The following DNAH6 variants were observed in gnomAD, a reference collection of about 807,000 sequenced individuals.
DNAH6 encodes the protein dynein axonemal heavy chain 6.
Under a neutral mutation model 491.4 loss-of-function variants are expected in DNAH6, and 340 were observed. The observed-to-expected ratio is 0.69, with a 90% CI of 0.63 to 0.76. The LOEUF is 0.76. DNAH6 is among the 30% of genes least tolerant of loss of function. The pLI, the probability that DNAH6 is intolerant of heterozygous loss-of-function variation, is 0.00. For missense variants in DNAH6, 4,443 were observed against 4,972.2 expected, an observed-to-expected ratio of 0.89 and a Z score of 3.20; for synonymous variants, 1,603 against 1,686.1, an observed-to-expected ratio of 0.95 and a Z score of 1.21.
intron 71 of DNAH6, among the ~76,000 whole-genome samples, chr2:84,806,039 G>C (rs1679383723): frequency 6.6e-6 from 1 of 152,138 alleles, no homozygotes; most frequent in South Asian, 2.1e-4. Context: ...ACTCTTTCCT[G>C]AGCTTCCCTT....
intron 21 of DNAH6, 126 bp from the exon 22 acceptor site, chr2:84,611,548 G>C (rs1300778438): frequency 2.7e-6 from 2 of 754,164 alleles, no homozygotes; most frequent in East Asian, 5.4e-5. Context: ...CAAAGGACCT[G>C]TGAGGAGTCA....
At chr2:84,708,335 C>A (rs1485958871) in intron 54 of DNAH6, among the ~76,000 whole-genome samples, 1 of 151,670 alleles carries the variant, frequency 6.6e-6, no homozygotes, top group Non-Finnish European at 1.5e-5. Flanking sequence ...ATCCTAGCTA[C>A]TGGGGAGGCC....
At chr2:84,761,697 A>C (rs796932364) in intron 63 of DNAH6, among the ~76,000 whole-genome samples, 10 of 152,112 alleles carry the variant, frequency 6.6e-5, no homozygotes, top group African/African-American at 2.4e-4. Context: ...TCTTTTCCCA[A>C]GTTGGCCACA....
chr2:84,801,889 A>AG (rs1215975701), intron 70 of DNAH6, among the ~76,000 whole-genome samples: 1 of 151,820 alleles, frequency 6.6e-6, no homozygotes, highest in Non-Finnish European at 1.5e-5. Context: ...GAAAAAAAAA[A>AG]AAAGAAAAGA....
chr2:84,723,772 A>G (rs996877132), intron 60 of DNAH6, among the ~76,000 whole-genome samples: 6 of 152,104 alleles, frequency 3.9e-5, no homozygotes, highest in African/African-American at 1.4e-4. Context: ...TCTTTATCTC[A>G]TATTCACAGT....
At chr2:84,468,424 T>A in the DNAH6 span, among the ~76,000 whole-genome samples, 2 of 152,244 alleles carry the variant, frequency 1.3e-5, no homozygotes, top group African/African-American at 4.8e-5. Flanking sequence ...GAGTCCAGGC[T>A]GTTAGAGCTT....
At chr2:84,492,249 C>CTAAAA in the DNAH6 span, among the ~76,000 whole-genome samples, 44 of 152,278 alleles carry the variant, frequency 2.9e-4, no homozygotes, top group African/African-American at 1.1e-3. Flanking sequence ...GTAGGCTACC[C>CTAAAA]ACCTTCAAAT....
At chr2:84,706,764 A>T in intron 52 of DNAH6, 132 bp from the exon 53 acceptor site, 1 of 989,182 alleles carries the variant, frequency 1.0e-6, no homozygotes, top group Non-Finnish European at 1.4e-6. Context: ...TTTTAACTTT[A>T]TGTATCACAT....
intron 42 of DNAH6, among the ~76,000 whole-genome samples, chr2:84,684,553 T>C (rs1694098071): frequency 6.6e-6 from 1 of 152,114 alleles, no homozygotes; most frequent in Non-Finnish European, 1.5e-5. Context: ...CAAACACCAA[T>C]GTGAGATGCA....
the DNAH6 span, among the ~76,000 whole-genome samples, chr2:84,508,725 C>T: frequency 6.6e-6 from 1 of 152,284 alleles, no homozygotes; most frequent in Admixed American, 6.5e-5. Context: ...TTTCCCTCTA[C>T]ACACTGCTTT....
chr2:84,577,135 GATA>G (rs1256341818), intron 12 of DNAH6, 119 bp from the exon 13 acceptor site: 2 of 542,982 alleles, frequency 3.7e-6, no homozygotes, highest in Middle Eastern at 4.9e-4. Context: ...TCTAAGTACA[GATA>G]ATAACATTAT....
intron 47 of DNAH6, among the ~76,000 whole-genome samples, chr2:84,698,141 AAC>A (rs1192384984): frequency 2.0e-5 from 3 of 152,162 alleles, no homozygotes; most frequent in Admixed American, 2.0e-4. Context: ...CTCTCTCGGG[AAC>A]AGTGTGGCTG....
intron 70 of DNAH6, among the ~76,000 whole-genome samples, chr2:84,802,108 A>G (rs1323204921): frequency 6.6e-6 from 1 of 152,194 alleles, no homozygotes; most frequent in Non-Finnish European, 1.5e-5. Context: ...ACAAAATCAC[A>G]CATAAGTACA....
rs2105318149 is a variant in DNAH6 at position 84,805,881 on chromosome 2, G to T, written c.11611+87G>T. 4 of 1,239,150 alleles carry T rather than the reference G, an allele frequency of 3.2e-6. No homozygotes were observed. The South Asian group carries it at 7.6e-5, about 24-fold the overall frequency. 76.8% of individuals were successfully genotyped at this position (1,239,150 alleles called of 1,614,324 possible). On this transcript the variant is annotated intron_variant, in intron 71 of 76. Coordinates refer to ENST00000389394, the MANE Select transcript of DNAH6 (RefSeq NM_001370.2). ...GAGTGATAAACAGGTGTCAAAACCTGCTTATTATGTAGACTTTTTTTAACC... is the reference window on the plus strand; with the variant it reads ...GAGTGATAAACAGGTGTCAAAACCTTCTTATTATGTAGACTTTTTTTAACC...
chr2:84,591,622 A>G (rs1335391237), intron 16 of DNAH6, among the ~76,000 whole-genome samples: 5 of 152,236 alleles, frequency 3.3e-5, no homozygotes, highest in African/African-American at 1.2e-4. Flanking sequence ...TAAAATTTAT[A>G]GGGAACCACA....
the DNAH6 span, among the ~76,000 whole-genome samples, chr2:84,473,829 T>A: frequency 8.3e-4 from 126 of 152,320 alleles, 4 homozygotes; most frequent in South Asian, 0.026. Context: ...TCTACAGCCT[T>A]TTCTAACTGT....
chr2:84,465,278 G>A, the DNAH6 span, among the ~76,000 whole-genome samples: 83 of 152,236 alleles, frequency 5.5e-4, no homozygotes, highest in Middle Eastern at 3.4e-3. Context: ...AGCAGATCAC[G>A]AGGTCAGGAG....
intron 60 of DNAH6, among the ~76,000 whole-genome samples, chr2:84,725,880 G>A (rs1392054808): frequency 6.6e-6 from 1 of 152,106 alleles, no homozygotes; most frequent in Non-Finnish European, 1.5e-5. Context: ...GTTCTTGTCA[G>A]GTTGTTAAAG....
chr2:84,479,796 A>AC, the DNAH6 span, among the ~76,000 whole-genome samples: 1 of 152,118 alleles, frequency 6.6e-6, no homozygotes, highest in Non-Finnish European at 1.5e-5. Flanking sequence ...GAAGAGAATA[A>AC]CCCCCCTTGT....
Sources: allele counts gnomAD v4.1 joint callset (sites outside exome capture counted in the v4.1 genomes callset), GRCh38; gene constraint gnomAD v4.1.1; transcripts MANE v1.5; gene names NCBI Gene and HGNC (gene_info 2026-07-23, HGNC 2026-07-21).